The following ULK4 variants were observed in gnomAD, a reference collection of about 807,000 sequenced individuals.
ULK4 encodes inactive serine/threonine-protein kinase ULK4.
A neutral mutation model predicts 160.6 loss-of-function variants in ULK4; 133 were observed. The observed-to-expected ratio is 0.83, with a 90% CI of 0.72 to 0.96. The LOEUF is 0.96. Among genes scored for constraint, ULK4 ranks in the 40% least tolerant of loss-of-function variants. The pLI, the probability that ULK4 is intolerant of heterozygous loss-of-function variation, is 0.00. For missense variants in ULK4, 1,580 were observed against 1,499.5 expected (o/e 1.05, Z -0.89); for synonymous variants, 534 against 539.8 (o/e 0.99, Z 0.15).
rs530751296 is a variant in ULK4 at position 41,783,811 on chromosome 3, T to C, written c.2193+5850A>G. 6.2e-4 allele frequency among the ~76,000 whole-genome samples: 94 copies of C among 152,340 alleles called. 1 individual carries two copies. Among genetic ancestry groups the C allele is most frequent in the African/African-American group, 1.8e-3 (74 of 41,574 alleles). On this transcript the variant is annotated intron_variant, in intron 21 of 36. Coordinates refer to ENST00000301831, the MANE Select transcript of ULK4 (RefSeq NM_017886.4). The stretch of plus-strand genomic sequence containing the variant: ...AAAATTGTAATGAGCTCATCCAATA[T>C]ATTTCTCCCCAATAAACAGCAGGAA...
intron 5 of ULK4, among the ~76,000 whole-genome samples, chr3:41,925,802 G>A (rs1699365932): frequency 6.6e-6 from 1 of 151,996 alleles, no homozygotes; most frequent in Non-Finnish European, 1.5e-5. Flanking sequence ...AGCGAACTGG[G>A]TGGAGCCCAC....
At chr3:41,787,747 ACTT>A (rs1449136408) in intron 21 of ULK4, among the ~76,000 whole-genome samples, 1 of 152,196 alleles carries the variant, frequency 6.6e-6, no homozygotes, top group Non-Finnish European at 1.5e-5. Flanking sequence ...CACAATAAAA[ACTT>A]TTTTAATGTA....
intron 21 of ULK4, among the ~76,000 whole-genome samples, chr3:41,779,809 G>T (rs1365914179): frequency 2.2e-5 from 2 of 89,830 alleles, no homozygotes; most frequent in Admixed American, 1.2e-4. Context: ...CACAGGAAGG[G>T]GAATATCACA....
intron 19 of ULK4, among the ~76,000 whole-genome samples, chr3:41,818,356 A>G (rs893352699): frequency 6.6e-6 from 1 of 152,174 alleles, no homozygotes; most frequent in Non-Finnish European, 1.5e-5. Flanking sequence ...TGTGTTTGAC[A>G]CATTCCACTT....
intron 21 of ULK4, among the ~76,000 whole-genome samples, chr3:41,772,126 T>C (rs147372182): frequency 1.4e-3 from 208 of 152,166 alleles, no homozygotes; most frequent in African/African-American, 4.7e-3. Context: ...ACAGGAAAGA[T>C]CTAAAATTGA....
intron 2 of ULK4, among the ~76,000 whole-genome samples, chr3:41,941,230 G>C (rs1350913675): frequency 1.4e-5 from 2 of 147,342 alleles, no homozygotes; most frequent in Non-Finnish European, 3.0e-5. Flanking sequence ...TAGAGACAAG[G>C]TCTCACTTTG....
intron 34 of ULK4, among the ~76,000 whole-genome samples, chr3:41,452,315 G>A (rs1349295105): frequency 1.3e-5 from 2 of 152,184 alleles, no homozygotes; most frequent in Non-Finnish European, 2.9e-5. Context: ...AGGGCCTACA[G>A]TATTTGGGTT....
At chr3:41,460,462 T>C (rs2083657045) in intron 33 of ULK4, among the ~76,000 whole-genome samples, 1 of 152,222 alleles carries the variant, frequency 6.6e-6, no homozygotes. Flanking sequence ...GCTTCATTAC[T>C]TGTATGTTGA....
At chr3:41,703,834 G>GCACACACACA (rs35693704) in intron 27 of ULK4, among the ~76,000 whole-genome samples, 16 of 129,300 alleles carry the variant, frequency 1.2e-4, no homozygotes, top group African/African-American at 5.9e-4. Context: ...TAATGCGCAT[G>GCACACACACA]CACACACACA....
chr3:41,568,980 C>A (rs543886743), intron 31 of ULK4, among the ~76,000 whole-genome samples: 1 of 152,280 alleles, frequency 6.6e-6, no homozygotes, highest in East Asian at 1.9e-4. Flanking sequence ...GAGTGGCTTA[C>A]AGAACTCAGG....
At chr3:41,318,031 C>G (rs953141352) in intron 35 of ULK4, among the ~76,000 whole-genome samples, 1 of 152,172 alleles carries the variant, frequency 6.6e-6, no homozygotes, top group African/African-American at 2.4e-5. Flanking sequence ...ATATCTACCA[C>G]TGTTGTCCCA....
At chr3:41,593,184 A>C (rs2031468240) in intron 31 of ULK4, among the ~76,000 whole-genome samples, 1 of 152,228 alleles carries the variant, frequency 6.6e-6, no homozygotes, top group African/African-American at 2.4e-5. Flanking sequence ...GTAAAAGGTC[A>C]TGTGAGTTTA....
intron 15 of ULK4, among the ~76,000 whole-genome samples, chr3:41,895,823 C>A (rs113728721): frequency 0.045 from 6,804 of 152,124 alleles, 470 homozygotes; most frequent in African/African-American, 0.16. Context: ...AGACACACAC[C>A]AACTATCAAA....
At chr3:41,424,340 C>A (rs2125839796) in intron 34 of ULK4, among the ~76,000 whole-genome samples, 1 of 152,320 alleles carries the variant, frequency 6.6e-6, no homozygotes, top group South Asian at 2.1e-4. Flanking sequence ...GTCTTTCCTC[C>A]TGCTGGCTCT....
At chr3:41,931,809 G>C (rs1188678126) in intron 5 of ULK4, 35 bp downstream of exon 5, 7 of 1,610,008 alleles carry the variant, frequency 4.3e-6, no homozygotes, top group Non-Finnish European at 5.9e-6. Flanking sequence ...TCCACAACTA[G>C]AGTTATGATC....
intron 22 of ULK4, among the ~76,000 whole-genome samples, chr3:41,720,923 A>T (rs1175783120): frequency 6.6e-6 from 1 of 152,200 alleles, no homozygotes; most frequent in Non-Finnish European, 1.5e-5. Flanking sequence ...ACATACACAT[A>T]GTTTGCTATT....
intron 17 of ULK4, among the ~76,000 whole-genome samples, chr3:41,836,604 G>T (rs2041764747): frequency 1.3e-5 from 2 of 152,148 alleles, no homozygotes; most frequent in East Asian, 3.9e-4. Context: ...CAGTTCACTT[G>T]GACAGCCAGG....
At chr3:41,495,042 G>A (rs1031673303) in intron 32 of ULK4, among the ~76,000 whole-genome samples, 9 of 151,936 alleles carry the variant, frequency 5.9e-5, no homozygotes, top group Non-Finnish European at 1.2e-4. Flanking sequence ...TCCCCATCAA[G>A]CTACCAACGA....
At chr3:41,273,478 T>C (rs1403472017) in intron 35 of ULK4, among the ~76,000 whole-genome samples, 3 of 152,166 alleles carry the variant, frequency 2.0e-5, no homozygotes, top group East Asian at 1.9e-4. Flanking sequence ...GCTGAAATAC[T>C]CAAGAGAAAC....
Sources: allele counts gnomAD v4.1 joint callset (sites outside exome capture counted in the v4.1 genomes callset), GRCh38; gene constraint gnomAD v4.1.1; transcripts MANE v1.5; gene names NCBI Gene and HGNC (gene_info 2026-07-23, HGNC 2026-07-21).